The following IFT80 variants were observed in gnomAD, a reference collection of about 807,000 sequenced individuals.
The protein encoded by IFT80 is intraflagellar transport protein 80 homolog.
In IFT80, 79 loss-of-function variants were observed where a neutral mutation model predicts 107.9. That is an observed-to-expected ratio of 0.73 (90% confidence interval 0.61 to 0.88). The LOEUF (loss-of-function observed/expected upper bound fraction) is 0.88. Ranked by LOEUF, IFT80 falls within the 40% of genes least tolerant of loss-of-function variation. The pLI is 0.00. For missense variants in IFT80, 797 were observed against 914.2 expected (o/e 0.87, Z 1.65); for synonymous variants, 299 against 300.9 (o/e 0.99, Z 0.07).
intron 3 of IFT80, 160 bp from the exon 4 acceptor site, chr3:160,377,700 C>T (rs941797048): frequency 4.2e-6 from 2 of 474,130 alleles, no homozygotes; most frequent in Non-Finnish European, 7.5e-6. Context: ...GGCACAAAAA[C>T]AAAATTATTT....
chr3:160,302,101 G>T (rs1716475807), intron 11 of IFT80, among the ~76,000 whole-genome samples: 1 of 151,888 alleles, frequency 6.6e-6, no homozygotes, highest in Admixed American at 6.6e-5. Flanking sequence ...ATATTGGTGT[G>T]CCTGTTTCCT....
chr3:160,292,146 T>A (rs1463957812), intron 12 of IFT80, among the ~76,000 whole-genome samples: 5 of 152,104 alleles, frequency 3.3e-5, no homozygotes, highest in Non-Finnish European at 7.4e-5. Flanking sequence ...AGATGCCGAG[T>A]CCGCACTGGG....
At chr3:160,271,100 C>T (rs1231280874) in intron 18 of IFT80, among the ~76,000 whole-genome samples, 2 of 151,954 alleles carry the variant, frequency 1.3e-5, no homozygotes, top group Non-Finnish European at 2.9e-5. Flanking sequence ...AAATATGTAT[C>T]GATTGAATAG....
chr3:160,377,775 T>C (rs1712140330), intron 3 of IFT80: 1 of 319,854 alleles, frequency 3.1e-6, no homozygotes, highest in African/African-American at 2.2e-5. Flanking sequence ...TACATGTTCA[T>C]AACAGGGAAA....
At chr3:160,285,407 C>T (rs572863622) in intron 13 of IFT80, among the ~76,000 whole-genome samples, 4 of 152,222 alleles carry the variant, frequency 2.6e-5, no homozygotes, top group Non-Finnish European at 5.9e-5. Context: ...TTTCTTACTA[C>T]AGTCTTAAAA....
At chr3:160,358,645 T>TG (rs1721277215) in intron 6 of IFT80, among the ~76,000 whole-genome samples, 2 of 152,180 alleles carry the variant, frequency 1.3e-5, no homozygotes, top group Non-Finnish European at 2.9e-5. Flanking sequence ...TGAGCCACCG[T>TG]GCCCAGCCAT....
At chr3:160,324,409 C>G (rs185601923) in intron 8 of IFT80, among the ~76,000 whole-genome samples, 6,575 of 152,072 alleles carry the variant, frequency 0.043, 451 homozygotes, top group African/African-American at 0.14. Context: ...AATCCAGCAG[C>G]ACATCAAAAA....
intron 12 of IFT80, among the ~76,000 whole-genome samples, chr3:160,290,241 C>A (rs1039782638): frequency 1.3e-5 from 2 of 151,450 alleles, no homozygotes; most frequent in Admixed American, 6.6e-5. Context: ...ACCCCGTCTC[C>A]CCTAAAAATA....
At chr3:160,322,961 G>A (rs1396141889) in intron 8 of IFT80, among the ~76,000 whole-genome samples, 6 of 151,672 alleles carry the variant, frequency 4.0e-5, no homozygotes, top group East Asian at 3.9e-4. Flanking sequence ...AGTAGGTTGC[G>A]AAAATTTTCT....
At chr3:160,349,010 C>T (rs75301627) in intron 8 of IFT80, among the ~76,000 whole-genome samples, 2,194 of 152,162 alleles carry the variant, frequency 0.014, 52 homozygotes, top group African/African-American at 0.046. Context: ...AGTTTTGTAA[C>T]GGTTGCACAA....
chr3:160,283,209 T>C (rs1473931076), intron 13 of IFT80, among the ~76,000 whole-genome samples: 1 of 152,306 alleles, frequency 6.6e-6, no homozygotes, highest in East Asian at 1.9e-4. Context: ...ATATCTAAAC[T>C]TGCAACTCAG....
At chr3:160,329,759 TG>T (rs556934534) in intron 8 of IFT80, among the ~76,000 whole-genome samples, 1 of 152,246 alleles carries the variant, frequency 6.6e-6, no homozygotes, top group Non-Finnish European at 1.5e-5. Context: ...CCCTGTTTCT[TG>T]GGGGGGTCTT....
chr3:160,363,193 C>G (rs1337153241), intron 6 of IFT80, among the ~76,000 whole-genome samples: 5 of 152,092 alleles, frequency 3.3e-5, no homozygotes, highest in Non-Finnish European at 7.4e-5. Flanking sequence ...AATCAGTATG[C>G]AAAAATCACA....
chr3:160,371,399 T>G (rs1711520032), intron 5 of IFT80, among the ~76,000 whole-genome samples: 1 of 152,222 alleles, frequency 6.6e-6, no homozygotes, highest in Non-Finnish European at 1.5e-5. Flanking sequence ...AACAGCACCT[T>G]AAGCACATTC....
At chr3:160,321,568 T>C (rs959652678) in intron 8 of IFT80, among the ~76,000 whole-genome samples, 84 of 152,132 alleles carry the variant, frequency 5.5e-4, no homozygotes, top group Middle Eastern at 3.4e-3. Flanking sequence ...ATGCATCCTA[T>C]GTTTTTTTCT....
chr3:160,269,448 T>C (rs1325133749), intron 18 of IFT80, among the ~76,000 whole-genome samples: 1 of 152,206 alleles, frequency 6.6e-6, no homozygotes, highest in South Asian at 2.1e-4. Flanking sequence ...TTTTGCCATC[T>C]GAGTCTCAGG....
chr3:160,390,154 A>G (rs972787162), intron 1 of IFT80, among the ~76,000 whole-genome samples: 2 of 152,192 alleles, frequency 1.3e-5, no homozygotes, highest in Non-Finnish European at 2.9e-5. Context: ...ATGGTGGCTC[A>G]TGCCTGTAAT....
intron 5 of IFT80, chr3:160,373,647 GT>G: frequency 5.9e-6 from 1 of 170,530 alleles, no homozygotes; most frequent in Non-Finnish European, 1.2e-5. Context: ...CCCTGAACTT[GT>G]TTTCCTGCAA....
chr3:160,260,713 C>A (rs1420879381), intron 19 of IFT80, among the ~76,000 whole-genome samples: 1 of 152,188 alleles, frequency 6.6e-6, no homozygotes, highest in African/African-American at 2.4e-5. Flanking sequence ...GTGATTTCTA[C>A]ACTAAAATCC....
Sources: allele counts gnomAD v4.1 joint callset (sites outside exome capture counted in the v4.1 genomes callset), GRCh38; gene constraint gnomAD v4.1.1; transcripts MANE v1.5; gene names NCBI Gene and HGNC (gene_info 2026-07-23, HGNC 2026-07-21).